Variants in ZNF536 observed in about 807,000 individuals in gnomAD.
ZNF536 encodes the protein zinc finger protein 536.
In ZNF536, 13 loss-of-function variants were observed where a neutral mutation model predicts 84.5. That is an observed-to-expected ratio of 0.15 (90% CI 0.10 to 0.24). The LOEUF (loss-of-function observed/expected upper bound fraction) is 0.24. ZNF536 is among the 10% of genes least tolerant of loss of function. ZNF536 has a pLI of 1.00. For missense variants in ZNF536, 1,536 were observed against 1,747.5 expected (o/e 0.88, Z 2.16); for synonymous variants, 811 against 742.5 (o/e 1.09, Z -1.50).
At chr19:30,279,452 G>C (rs2045357326) in intron 1 of ZNF536, among the ~76,000 whole-genome samples, 1 of 152,158 alleles carries the variant, frequency 6.6e-6, no homozygotes, top group African/African-American at 2.4e-5. Context: ...TAGCAACAAT[G>C]GGTGTGTCAT....
At chr19:30,521,300 A>G (rs1476252396) in intron 2 of ZNF536, among the ~76,000 whole-genome samples, 2 of 151,990 alleles carry the variant, frequency 1.3e-5, no homozygotes, top group Non-Finnish European at 2.9e-5. Flanking sequence ...GGCTGTGGGG[A>G]CACTTTGCTC....
chr19:30,610,770 G>T (rs746060346), intron 1 of ZNF536, among the ~76,000 whole-genome samples: 1 of 152,118 alleles, frequency 6.6e-6, no homozygotes, highest in South Asian at 2.1e-4. Flanking sequence ...GTGTGGAGGC[G>T]GGTGGGGGGG....
At chr19:30,297,476 A>G (rs1011832972) in intron 2 of ZNF536, among the ~76,000 whole-genome samples, 7 of 152,308 alleles carry the variant, frequency 4.6e-5, no homozygotes, top group Non-Finnish European at 7.4e-5. Flanking sequence ...GAGGGCTGGC[A>G]TGTTCTTGAA....
chr19:30,321,120 C>G (rs2046841210), intron 2 of ZNF536, among the ~76,000 whole-genome samples: 1 of 152,156 alleles, frequency 6.6e-6, no homozygotes, highest in South Asian at 2.1e-4. Context: ...AGCTGTGTGA[C>G]GCTGCAACCC....
Position 30,612,707 on chromosome 19 carries a change from A to G in ZNF536, c.169+63193A>G, listed in dbSNP as rs140468564. 5.9e-5 allele frequency among the ~76,000 whole-genome samples: 9 copies of G among 152,360 alleles called. No individual in the cohort carries two copies. The East Asian group carries it at 1.7e-3, about 29-fold the overall frequency. ...AGATTTTCTAAAAGAGTTTAAAAAG[A>G]TAGTATGAGGAGTTACCTCATCCCC... On this transcript the variant is annotated intron_variant, in intron 1 of 1. Transcript: ENST00000592773.
At chr19:30,647,963 T>A (rs1185763093) in intron 1 of ZNF536, among the ~76,000 whole-genome samples, 1 of 152,234 alleles carries the variant, frequency 6.6e-6, no homozygotes, top group Non-Finnish European at 1.5e-5. Flanking sequence ...ATCTCTCATA[T>A]GAAGTCAGCT....
intron 2 of ZNF536, among the ~76,000 whole-genome samples, chr19:30,488,686 G>A (rs1472932196): frequency 2.0e-5 from 3 of 152,130 alleles, no homozygotes; most frequent in African/African-American, 7.2e-5. Flanking sequence ...CAGGGGCAGA[G>A]GGCGGGTTGA....
chr19:30,264,718 C>T (rs1161941945), intron 1 of ZNF536, among the ~76,000 whole-genome samples: 2 of 152,072 alleles, frequency 1.3e-5, no homozygotes, highest in African/African-American at 2.4e-5. Flanking sequence ...ACAAAAGAGT[C>T]GCTATTGTCA....
upstream of ZNF536, among the ~76,000 whole-genome samples, chr19:30,227,870 A>AG (rs1389887208): frequency 6.9e-6 from 1 of 144,852 alleles, no homozygotes; most frequent in Non-Finnish European, 1.5e-5. Context: ...AGAGGCGCGG[A>AG]GGGGGCCGGC....
At chr19:30,524,753 T>C (rs1431715682) in intron 2 of ZNF536, among the ~76,000 whole-genome samples, 1 of 151,684 alleles carries the variant, frequency 6.6e-6, no homozygotes, top group South Asian at 2.1e-4. Flanking sequence ...AAGAGGATCT[T>C]AAAAGCTATA....
At chr19:30,534,402 C>T (rs2044982883) in intron 2 of ZNF536, among the ~76,000 whole-genome samples, 1 of 152,182 alleles carries the variant, frequency 6.6e-6, no homozygotes, top group Admixed American at 6.5e-5. Flanking sequence ...CTTAGGGACT[C>T]AGCTGACACA....
At chr19:30,324,628 G>A (rs2046964412) in intron 2 of ZNF536, among the ~76,000 whole-genome samples, 1 of 152,198 alleles carries the variant, frequency 6.6e-6, no homozygotes, top group African/African-American at 2.4e-5. Context: ...CTGGGCTCAA[G>A]TAATCCTCTT....
intron 1 of ZNF536, among the ~76,000 whole-genome samples, chr19:30,704,981 T>A (rs1049025193): frequency 6.6e-6 from 1 of 151,340 alleles, no homozygotes; most frequent in Non-Finnish European, 1.5e-5. Context: ...AGCCAACAGA[T>A]CCCAGTCTTA....
intron 3 of ZNF536, among the ~76,000 whole-genome samples, chr19:30,544,767 G>A (rs1020184423): frequency 6.6e-6 from 1 of 152,208 alleles, no homozygotes; most frequent in African/African-American, 2.4e-5. Context: ...ATGTGCACAA[G>A]TAGCACTGGC....
At chr19:30,595,920 G>A (rs1005566557) in intron 1 of ZNF536, among the ~76,000 whole-genome samples, 13 of 152,208 alleles carry the variant, frequency 8.5e-5, no homozygotes, top group African/African-American at 3.1e-4. Context: ...TGGGAAAGGA[G>A]AGGGGGTGCA....
At chr19:30,319,553 C>A (rs1292881480) in intron 2 of ZNF536, among the ~76,000 whole-genome samples, 1 of 152,172 alleles carries the variant, frequency 6.6e-6, no homozygotes, top group Non-Finnish European at 1.5e-5. Flanking sequence ...ATAGTCTGCA[C>A]AAAATTCAGT....
intron 1 of ZNF536, among the ~76,000 whole-genome samples, chr19:30,697,062 G>GGCT (rs1245960797): frequency 2.0e-5 from 3 of 152,168 alleles, no homozygotes; most frequent in Non-Finnish European, 2.9e-5. Context: ...GCATGGCTGA[G>GGCT]GAGGCCTCAG....
chr19:30,271,878 C>A (rs547153415), intron 1 of ZNF536, among the ~76,000 whole-genome samples: 1 of 152,226 alleles, frequency 6.6e-6, no homozygotes, highest in South Asian at 2.1e-4. Context: ...CAAGTCCGTG[C>A]GTTTTGTGAA....
intron 1 of ZNF536, among the ~76,000 whole-genome samples, chr19:30,246,344 C>T (rs558534146): frequency 2.0e-5 from 3 of 152,264 alleles, no homozygotes; most frequent in Admixed American, 6.5e-5. Context: ...AAATAAAAGA[C>T]GGTAGGAATC....
Sources: gnomAD v4.1 joint callset for allele counts (sites outside exome capture counted in the v4.1 genomes callset) on GRCh38, gnomAD v4.1.1 for gene constraint, MANE v1.5 for transcripts, NCBI Gene and HGNC (gene_info 2026-07-23, HGNC 2026-07-21) for gene names.